PTK7: variants seen among roughly 807,000 people sequenced by gnomAD.
PTK7 encodes protein tyrosine kinase 7 (inactive).
In PTK7, 39 loss-of-function variants were observed where a neutral mutation model predicts 116.6. That is an observed-to-expected ratio of 0.33 (90% CI 0.26 to 0.44). PTK7 has a LOEUF of 0.44. Ranked by LOEUF, PTK7 falls within the 20% of genes least tolerant of loss-of-function variation. The pLI, the probability that PTK7 is intolerant of heterozygous loss-of-function variation, is 1.00. For missense variants in PTK7, 1,169 were observed against 1,425.6 expected (o/e 0.82, Z 2.90); for synonymous variants, 546 against 563.6 (o/e 0.97, Z 0.44).
intron 1 of PTK7, among the ~76,000 whole-genome samples, chr6:43,112,652 G>A (rs1278628317): frequency 2.6e-5 from 4 of 152,012 alleles, no homozygotes; most frequent in Non-Finnish European, 5.9e-5. Flanking sequence ...GACCTCAGGT[G>A]ATCTGCCCAC....
intron 7 of PTK7, among the ~76,000 whole-genome samples, chr6:43,134,726 G>C (rs528290349): frequency 6.6e-6 from 1 of 151,832 alleles, no homozygotes; most frequent in South Asian, 2.1e-4. Context: ...GTTGCAGTGA[G>C]TCGAGATCGT....
At chr6:43,147,271 C>T (rs6908667) in intron 17 of PTK7, among the ~76,000 whole-genome samples, 10,055 of 152,296 alleles carry the variant, frequency 0.066, 633 homozygotes, top group African/African-American at 0.16. Context: ...GGGCACAGAG[C>T]CCTGGCTGGG....
intron 13 of PTK7, 190 bp downstream of exon 13, chr6:43,142,489 A>C: frequency 1.1e-6 from 1 of 908,010 alleles, no homozygotes; most frequent in Non-Finnish European, 1.7e-6. Flanking sequence ...CGTTTATTTA[A>C]CATCCAACGG....
At chr6:43,118,690 T>TCTGTATATATACGTATATAC (rs1185671075) in intron 1 of PTK7, among the ~76,000 whole-genome samples, 23 of 105,452 alleles carry the variant, frequency 2.2e-4, no homozygotes, top group African/African-American at 9.3e-4. Context: ...TATATATATG[T>TCTGTATATATACGTATATAC]ATATATGTAT....
chr6:43,105,682 G>A (rs1767850651), intron 1 of PTK7, among the ~76,000 whole-genome samples: 1 of 151,900 alleles, frequency 6.6e-6, no homozygotes, highest in African/African-American at 2.4e-5. Context: ...AGAGACAGAA[G>A]TACACCACAG....
intron 1 of PTK7, among the ~76,000 whole-genome samples, chr6:43,083,942 G>T (rs1456866085): frequency 6.6e-6 from 1 of 151,920 alleles, no homozygotes; most frequent in Non-Finnish European, 1.5e-5. Context: ...AGAGTGGAGA[G>T]TATAGGGCAG....
At position 43,086,106 on chromosome 6, in the gene PTK7, G is replaced by T. The variant is rs1766636407; in HGVS notation, c.79+9539G>T. 2.0e-5 allele frequency among the ~76,000 whole-genome samples: 3 copies of T among 152,130 alleles called. No individual in the cohort carries two copies. The South Asian group carries it at 6.2e-4, about 32-fold the overall frequency. ...CAATAGCAGATTCTCCCAAGGGGTGGGTTGGTGCTGGTTCAGGGCCACTGT... is the reference window on the plus strand; with the variant it reads ...CAATAGCAGATTCTCCCAAGGGGTGTGTTGGTGCTGGTTCAGGGCCACTGT... On this transcript the variant is annotated intron_variant, in intron 1 of 19. Coordinates refer to ENST00000230419, the MANE Select transcript of PTK7 (RefSeq NM_002821.5).
intron 1 of PTK7, among the ~76,000 whole-genome samples, chr6:43,126,046 G>T (rs1031412420): frequency 6.6e-6 from 1 of 152,234 alleles, no homozygotes; most frequent in Middle Eastern, 3.4e-3. Flanking sequence ...TGGGCAGGGC[G>T]CCATGGCTCA....
At position 43,160,976 on chromosome 6, in the gene PTK7, T is replaced by C. The variant is rs45454097; in HGVS notation, c.*95T>C. ...GCAAGATCCCTGTCCTCCTGGGCCC[T>C]GAGGCCCCTGCCCTAGTGCAACAGG... is the stretch of plus-strand genomic sequence containing the variant. On this transcript the variant is annotated 3_prime_UTR_variant, in exon 20 of 20. Coordinates refer to ENST00000230419, the MANE Select transcript of PTK7 (RefSeq NM_002821.5). The C allele has an allele frequency of 2.3e-3, 3,338 of 1,461,874 alleles. 4 individuals are homozygous for C. The highest frequency in any genetic ancestry group is 2.7e-3 in the Non-Finnish European group (2,999 of 1,092,040). 90.6% of individuals were successfully genotyped at this position (1,461,874 alleles called of 1,614,324 possible).
chr6:43,139,016 G>T lies in PTK7; in HGVS notation c.1362+34G>T. 1 of 1,609,070 alleles carries T rather than the reference G, an allele frequency of 6.2e-7. No homozygotes were observed. The highest frequency in any genetic ancestry group is 1.1e-5 in the South Asian group (1 of 90,640). On this transcript the variant is annotated intron_variant, in intron 8 of 19. Coordinates refer to ENST00000230419, the MANE Select transcript of PTK7 (RefSeq NM_002821.5). This position sits in a 1 kb window ranked among gnomAD's most constrained non-coding sequence, Gnocchi z 4.6. The stretch of plus-strand genomic sequence containing the variant: ...GAAGAGTGTTGCTAGTGGATGGGCG[G>T]GGCCTTCCCTCCACTTGCCCTCTTC...
chr6:43,144,451 G>A lies in PTK7; in HGVS notation c.2252G>A (p.Gly751Asp). ...ACGCTCTTGTCCTCCTCCTTCCCAG[G>A]TGGGCCTTTGCAGAACGGGCAGCCC... The part of the protein sequence containing the change: ...GEEPEMECLN[G>D]GPLQNGQPSA... Residue 751 changes from glycine to aspartate, a missense_variant and splice_region_variant, in exon 15 of 20, where the codon GGT becomes GAT. This residue lies in a region of PTK7 where 678 missense variants were observed against 853.8 expected (regional missense o/e 0.79). Transcript: ENST00000230419. 1 of 1,614,132 alleles carries A rather than the reference G, an allele frequency of 6.2e-7. No individual in the cohort carries two copies.
intron 1 of PTK7, among the ~76,000 whole-genome samples, chr6:43,114,174 T>C (rs1768360093): frequency 6.6e-6 from 1 of 152,212 alleles, no homozygotes. Context: ...CATGTGTGCA[T>C]GCATGTGCGT....
At chr6:43,085,654 CTGGGTGCGG>C (rs1766607931) in intron 1 of PTK7, among the ~76,000 whole-genome samples, 1 of 151,328 alleles carries the variant, frequency 6.6e-6, no homozygotes, top group Non-Finnish European at 1.5e-5. Context: ...CTCATTTGGG[CTGGGTGCGG>C]TGGCTCACGC....
intron 1 of PTK7, among the ~76,000 whole-genome samples, chr6:43,104,502 C>T (rs538240914): frequency 6.6e-6 from 1 of 152,230 alleles, no homozygotes; most frequent in East Asian, 1.9e-4. Context: ...CCTCTGCCCC[C>T]TGGGAGGGAG....
intron 19 of PTK7, 132 bp from the exon 20 acceptor site, chr6:43,160,589 C>T (rs1216997809): frequency 8.6e-7 from 1 of 1,164,286 alleles, no homozygotes; most frequent in Admixed American, 2.1e-5. Flanking sequence ...TTGCGGGTAC[C>T]CACCTGCCGC....
Position 43,155,014 on chromosome 6 carries a change from T to A in PTK7, c.2722-3803T>A, listed in dbSNP as rs113723847. Among the ~76,000 whole-genome samples, 760 of 152,336 alleles carry A rather than the reference T, an allele frequency of 5.0e-3. 4 individuals are homozygous for A. Among genetic ancestry groups the A allele is most frequent in the African/African-American group, 0.015 (635 of 41,576 alleles). ...GTGGAGAGAGGCAACCAGCCTTGTTTGGGGTGTGGCACACAGCAGGTGCTC... is the reference window on the plus strand; with the variant it reads ...GTGGAGAGAGGCAACCAGCCTTGTTAGGGGTGTGGCACACAGCAGGTGCTC... On this transcript the variant is annotated intron_variant, in intron 17 of 19. Coordinates refer to ENST00000230419, the MANE Select transcript of PTK7 (RefSeq NM_002821.5).
Position 43,158,927 on chromosome 6 carries a change from G to A in PTK7, c.2832G>A (p.Val944=). ...GCCTGGTCAGTGCCCAGAGACAAGT[G>A]AAGGTGTCTGCCCTGGGCCTCAGCA... ...RNCLVSAQRQ[V]KVSALGLSKD... Residue 944 remains valine (V), a synonymous_variant, in exon 18 of 20, where the codon GTG becomes GTA. Coordinates refer to ENST00000230419, the MANE Select transcript of PTK7 (RefSeq NM_002821.5). 1 of 1,614,216 alleles carries A rather than the reference G, an allele frequency of 6.2e-7. No homozygotes were observed.
At chr6:43,118,655 CTCTCTATA>C (rs1235910277) in intron 1 of PTK7, among the ~76,000 whole-genome samples, 1,253 of 70,034 alleles carry the variant, frequency 0.018, 7 homozygotes, top group African/African-American at 0.033. Flanking sequence ...CTCTCTCTCT[CTCTCTATA>C]TATATATATA....
chr6:43,139,672 A>G lies in PTK7; in HGVS notation c.1618+147A>G, dbSNP rs1228336691. 7.5e-7 allele frequency: 1 copy of G among 1,326,618 alleles called. No individual in the cohort carries two copies. The highest frequency in any genetic ancestry group is 1.5e-5 in the African/African-American group (1 of 67,996). The allele number at this position is 1,326,618 out of a possible 1,614,324, so 82.2% of individuals were successfully genotyped here. On this transcript the variant is annotated intron_variant, in intron 10 of 19. Transcript: ENST00000230419. The surrounding 1 kb of genome is among the most constrained non-coding windows in gnomAD (Gnocchi z 4.6). ...GGGCTGATGTATAGTTTAGTTAGGA[A>G]GGAAAAAGCCAGACACAGAAGAGGT...
Sources: gnomAD v4.1 joint callset for allele counts (sites outside exome capture counted in the v4.1 genomes callset) on GRCh38, gnomAD v4.1.1 for gene constraint, gnomAD v4.1.1 regional missense constraint, Gnocchi (gnomAD v3.1) non-coding constraint, MANE v1.5 for transcripts, NCBI Gene and HGNC (gene_info 2026-07-23, HGNC 2026-07-21) for gene names.